ZFHX3: variants seen among roughly 807,000 people sequenced by gnomAD.
ZFHX3 encodes the protein zinc finger homeobox protein 3.
Under a neutral mutation model 279.1 loss-of-function variants are expected in ZFHX3, and 42 were observed. The observed-to-expected ratio is 0.15, with a 90% confidence interval of 0.12 to 0.19. The LOEUF (loss-of-function observed/expected upper bound fraction) is 0.19. Ranked by LOEUF, ZFHX3 falls within the 10% of genes least tolerant of loss-of-function variation. ZFHX3 has a pLI of 1.00. For missense variants in ZFHX3, 4,981 were observed against 4,754.0 expected (o/e 1.05, Z -1.40); for synonymous variants, 2,293 against 1,957.8 (o/e 1.17, Z -4.52).
At chr16:73,861,604 C>T (rs995566168) in intron 1 of ZFHX3, among the ~76,000 whole-genome samples, 4 of 152,166 alleles carry the variant, frequency 2.6e-5, no homozygotes, top group Admixed American at 6.5e-5. Flanking sequence ...CTCCCACTCA[C>T]TCCCAGTAGT....
chr16:73,727,337 T>A (rs1174764902), intron 1 of ZFHX3, among the ~76,000 whole-genome samples: 1 of 152,180 alleles, frequency 6.6e-6, no homozygotes, highest in East Asian at 1.9e-4. Flanking sequence ...TTCCCCTGCA[T>A]GCAGACACAA....
At chr16:73,138,313 T>C (rs1567399393) in intron 6 of ZFHX3, among the ~76,000 whole-genome samples, 1 of 152,142 alleles carries the variant, frequency 6.6e-6, no homozygotes, top group East Asian at 1.9e-4. Context: ...CCAAAGAAGT[T>C]AATCAACGTT....
At chr16:72,906,106 A>T (rs2039163898) in intron 3 of ZFHX3, among the ~76,000 whole-genome samples, 1 of 151,896 alleles carries the variant, frequency 6.6e-6, no homozygotes, top group Non-Finnish European at 1.5e-5. Flanking sequence ...CAACCCCCCG[A>T]TAAGATCCCT....
At chr16:73,396,301 A>T (rs552595994) in intron 3 of ZFHX3, among the ~76,000 whole-genome samples, 1 of 152,340 alleles carries the variant, frequency 6.6e-6, no homozygotes, top group South Asian at 2.1e-4. Context: ...GCACGGTGCA[A>T]GTATACCATG....
intron 2 of ZFHX3, among the ~76,000 whole-genome samples, chr16:73,537,314 C>CTTCTT (rs2019919924): frequency 6.4e-5 from 5 of 77,600 alleles, no homozygotes; most frequent in African/African-American, 2.1e-4. Flanking sequence ...CTTTCTTCTT[C>CTTCTT]TTTTTTTTTT....
chr16:72,924,604 G>C (rs374421465), intron 3 of ZFHX3, among the ~76,000 whole-genome samples: 3 of 152,212 alleles, frequency 2.0e-5, no homozygotes, highest in Non-Finnish European at 2.9e-5. Flanking sequence ...GGCCCACAGA[G>C]AGGCCGCGGC....
chr16:73,023,407 G>A (rs555544204), intron 1 of ZFHX3, among the ~76,000 whole-genome samples: 1 of 152,292 alleles, frequency 6.6e-6, no homozygotes, highest in Admixed American at 6.5e-5. Flanking sequence ...GGGGCCTGGA[G>A]CAGGCCTGTG....
intron 3 of ZFHX3, among the ~76,000 whole-genome samples, chr16:73,390,717 G>A (rs117791582): frequency 0.016 from 2,384 of 152,158 alleles, 33 homozygotes; most frequent in Non-Finnish European, 0.024. Flanking sequence ...AGCATTTGGT[G>A]GGAACAATGG....
chr16:72,961,554 A>T (rs1187789714), intron 1 of ZFHX3, among the ~76,000 whole-genome samples: 1 of 151,186 alleles, frequency 6.6e-6, no homozygotes, highest in African/African-American at 2.4e-5. Context: ...CCACCATCTC[A>T]TTCACACTCA....
At position 72,797,928 on chromosome 16, in the gene ZFHX3, G is replaced by A. The variant is rs759403131; in HGVS notation, c.4754C>T (p.Pro1585Leu). 1 of 1,614,174 alleles carries A rather than the reference G, an allele frequency of 6.2e-7. No individual in the cohort carries two copies. The highest frequency in any genetic ancestry group is 1.1e-5 in the South Asian group (1 of 91,068). ...RALQESATGQ[P>L]EPTSSPDNKP... ...GTTGTCTGGGCTGCTGGTGGGTTCT[G>A]GCTGACCGGTTGCTGATTCTTGAAG... The change falls in exon 9 of 10, where the codon CCA becomes CTA. Residue 1585 changes from proline to leucine, a missense_variant. Coordinates refer to ENST00000268489, the MANE Select transcript of ZFHX3 (RefSeq NM_006885.4).
intron 2 of ZFHX3, among the ~76,000 whole-genome samples, chr16:73,618,932 T>C (rs2052331000): frequency 6.6e-6 from 1 of 152,172 alleles, no homozygotes; most frequent in South Asian, 2.1e-4. Context: ...GGACCATGAC[T>C]TGTCACAGCT....
In ZFHX3 at chr16:72,994,954, G is replaced by A. The variant is rs150355414; in HGVS notation, c.-49-34760C>T. Among the ~76,000 whole-genome samples, 6 of 152,260 alleles carry A rather than the reference G, an allele frequency of 3.9e-5. No homozygotes were observed. The East Asian group carries it at 1.2e-3, about 29-fold the overall frequency. ...TGAAAGCATTCCCATCAAGTTAAAT[G>A]AAGGGTTAAGGTAATCCAATTACAC... On this transcript the variant is annotated intron_variant, in intron 1 of 9. Transcript: ENST00000268489.
intron 1 of ZFHX3, among the ~76,000 whole-genome samples, chr16:73,874,529 T>C (rs965400213): frequency 6.6e-6 from 1 of 152,242 alleles, no homozygotes; most frequent in African/African-American, 2.4e-5. Context: ...ACACACTCAC[T>C]GCTACGGGCA....
intron 1 of ZFHX3, among the ~76,000 whole-genome samples, chr16:73,044,386 C>T (rs1171223491): frequency 2.0e-5 from 3 of 152,196 alleles, no homozygotes; most frequent in African/African-American, 4.8e-5. Context: ...GCCAGGCTAA[C>T]AGCAAGCAAT....
chr16:73,862,886 G>T (rs1438929240), intron 1 of ZFHX3, among the ~76,000 whole-genome samples: 1 of 152,132 alleles, frequency 6.6e-6, no homozygotes, highest in African/African-American at 2.4e-5. Flanking sequence ...ATCTCCAGAA[G>T]ATTCGTGGTT....
chr16:73,285,817 GT>G (rs1354515837), intron 4 of ZFHX3, among the ~76,000 whole-genome samples: 5 of 152,064 alleles, frequency 3.3e-5, no homozygotes, highest in African/African-American at 1.2e-4. Flanking sequence ...TTTGGCTGTT[GT>G]TTTTCAAACA....
chr16:72,894,166 A>T (rs907966393), intron 3 of ZFHX3, among the ~76,000 whole-genome samples: 2 of 141,090 alleles, frequency 1.4e-5, no homozygotes, highest in African/African-American at 2.7e-5. Context: ...AAAAAAAAAA[A>T]TCCAGAATAA....
At chr16:73,257,623 C>CTCAT (rs761751130) in intron 4 of ZFHX3, among the ~76,000 whole-genome samples, 4 of 152,206 alleles carry the variant, frequency 2.6e-5, no homozygotes, top group Non-Finnish European at 5.9e-5. Context: ...GATTGATTGA[C>CTCAT]TCATTCATTC....
chr16:72,889,658 A>T (rs2038721375), intron 4 of ZFHX3, 73 bp downstream of exon 4: 1 of 1,423,608 alleles, frequency 7.0e-7, no homozygotes, highest in African/African-American at 1.4e-5. Context: ...CTCAAACAGA[A>T]GTCCTCTGGA....
Sources: allele counts gnomAD v4.1 joint callset (sites outside exome capture counted in the v4.1 genomes callset), GRCh38; gene constraint gnomAD v4.1.1; transcripts MANE v1.5; gene names NCBI Gene and HGNC (gene_info 2026-07-23, HGNC 2026-07-21).